Variants in PDE2A observed in about 807,000 individuals in gnomAD.
PDE2A encodes phosphodiesterase 2A, also known as cGMP-dependent 3',5'-cyclic phosphodiesterase.
A neutral mutation model predicts 133.6 loss-of-function variants in PDE2A; 53 were observed. The observed-to-expected ratio is 0.40, with a 90% CI of 0.32 to 0.50. The LOEUF (loss-of-function observed/expected upper bound fraction) is 0.50. Ranked by LOEUF, PDE2A falls within the 20% of genes least tolerant of loss-of-function variation. The pLI, the probability that PDE2A is intolerant of heterozygous loss-of-function variation, is 0.73. For synonymous variants in PDE2A, 491 were observed against 490.2 expected, an observed-to-expected ratio of 1.00 and a Z score of -0.02; for missense variants, 796 against 1,232.4, an observed-to-expected ratio of 0.65 and a Z score of 5.30.
At chr11:72,646,016 T>C (rs1393224805) in intron 1 of PDE2A, among the ~76,000 whole-genome samples, 2 of 152,212 alleles carry the variant, frequency 1.3e-5, no homozygotes, top group Admixed American at 1.3e-4. Context: ...GAAATCAGAT[T>C]TCCCAGCTCC....
intron 1 of PDE2A, among the ~76,000 whole-genome samples, chr11:72,662,552 T>C (rs148616259): frequency 3.2e-4 from 49 of 152,192 alleles, no homozygotes; most frequent in African/African-American, 1.1e-3. Context: ...AGGGGGTGGC[T>C]TATGGGTGCC....
chr11:72,626,608 G>A (rs1032815665), intron 2 of PDE2A, among the ~76,000 whole-genome samples: 4 of 152,138 alleles, frequency 2.6e-5, no homozygotes, highest in South Asian at 2.1e-4. Context: ...AGCTATGCTC[G>A]TATACTCGGA....
chr11:72,606,070 C>T (rs115033325), intron 3 of PDE2A, among the ~76,000 whole-genome samples: 1,728 of 152,052 alleles, frequency 0.011, 35 homozygotes, highest in African/African-American at 0.04. Context: ...AAAGCTCTTG[C>T]TCTTTAATCC....
intron 14 of PDE2A, 91 bp from the exon 15 acceptor site, chr11:72,585,684 C>T (rs1223870577): frequency 4.6e-6 from 5 of 1,096,244 alleles, no homozygotes; most frequent in Non-Finnish European, 6.8e-6. Flanking sequence ...CGGGTCTTCT[C>T]CTTCCTTCCC....
At chr11:72,604,559 T>G (rs915850959) in intron 4 of PDE2A, among the ~76,000 whole-genome samples, 7 of 152,210 alleles carry the variant, frequency 4.6e-5, no homozygotes, top group African/African-American at 1.2e-4. Flanking sequence ...CCCACAATCC[T>G]ATAAGCACCA....
rs1044092948 is a variant in PDE2A, at chr11:72,576,196, T to C, written c.*1188A>G. 5 of 152,440 alleles carry C rather than the reference T, an allele frequency of 3.3e-5. No individual in the cohort carries two copies. Among genetic ancestry groups the C allele is most frequent in the African/African-American group, 9.6e-5 (4 of 41,516 alleles). The allele number at this position is 152,440 out of a possible 1,614,324, so 9.4% of individuals were successfully genotyped here. A position where few individuals can be genotyped will look rare whatever the true frequency, so the allele number is the denominator to read the frequency against. On this transcript the variant is annotated 3_prime_UTR_variant, in exon 31 of 31. Coordinates refer to ENST00000334456, the MANE Select transcript of PDE2A (RefSeq NM_002599.5). ...ACAAAGCGGTCAGCCCACGGGACCA[T>C]ATACGACAGTTGCACAGAGTCCTAG...
intron 2 of PDE2A, among the ~76,000 whole-genome samples, chr11:72,617,358 G>T (rs1260982638): frequency 2.0e-5 from 3 of 152,198 alleles, no homozygotes; most frequent in African/African-American, 4.8e-5. Flanking sequence ...GGTCTTCTTA[G>T]GGACAAGATA....
intron 4 of PDE2A, among the ~76,000 whole-genome samples, chr11:72,603,099 G>A (rs1245338602): frequency 6.6e-6 from 1 of 152,182 alleles, no homozygotes; most frequent in Non-Finnish European, 1.5e-5. Flanking sequence ...ATTCCTGTTT[G>A]GGGATGATGA....
At chr11:72,596,903 G>A (rs1020616270) in intron 5 of PDE2A, among the ~76,000 whole-genome samples, 1 of 152,182 alleles carries the variant, frequency 6.6e-6, no homozygotes, top group Non-Finnish European at 1.5e-5. Flanking sequence ...GTTGCAGGGA[G>A]GAAGGCAGGT....
At chr11:72,670,116 C>T (rs1855351596) in intron 1 of PDE2A, among the ~76,000 whole-genome samples, 1 of 152,004 alleles carries the variant, frequency 6.6e-6, no homozygotes, top group Non-Finnish European at 1.5e-5. Flanking sequence ...TCCTGCTTGC[C>T]CTTACCTTGA....
chr11:72,642,257 C>A lies in PDE2A; in HGVS notation c.141G>T (p.Leu47=). 1.3e-6 allele frequency: 2 copies of A among 1,533,468 alleles called. No homozygotes were observed. The highest frequency in any genetic ancestry group is 1.2e-5 in the South Asian group (1 of 80,466). 95.0% of individuals were successfully genotyped at this position (1,533,468 alleles called of 1,614,324 possible). ...CCCAGCGCGGGGGCCCCCCTACCTGCAGGCTGTCGGCGCATGGCTGCGGCG... is the reference window on the plus strand; with the variant it reads ...CCCAGCGCGGGGGCCCCCCTACCTGAAGGCTGTCGGCGCATGGCTGCGGCG... The part of the protein sequence containing the change: ...PPPPQPCADS[L]QDALLSLGSV... The change falls in exon 2 of 31, where the codon CTG becomes CTT. Residue 47 remains leucine, a synonymous_variant. Coordinates refer to ENST00000334456, the MANE Select transcript of PDE2A (RefSeq NM_002599.5).
intron 18 of PDE2A, 47 bp from the exon 19 acceptor site, chr11:72,584,360 G>A (rs369589027): frequency 3.7e-6 from 5 of 1,362,410 alleles, no homozygotes; most frequent in Non-Finnish European, 5.2e-6. Context: ...GGGAGGGATC[G>A]GTTGGAGGGA....
intron 2 of PDE2A, among the ~76,000 whole-genome samples, chr11:72,626,616 G>A (rs908781015): frequency 1.3e-5 from 2 of 152,076 alleles, no homozygotes; most frequent in African/African-American, 4.8e-5. Flanking sequence ...TCGTATACTC[G>A]GAGCCTTCTC....
At chr11:72,632,924 GC>G (rs1446906902) in intron 2 of PDE2A, among the ~76,000 whole-genome samples, 1 of 152,146 alleles carries the variant, frequency 6.6e-6, no homozygotes, top group Non-Finnish European at 1.5e-5. Context: ...TGGGGAAAGT[GC>G]CTAGGATGAG....
At chr11:72,617,724 G>C (rs939284828) in intron 2 of PDE2A, among the ~76,000 whole-genome samples, 1 of 152,172 alleles carries the variant, frequency 6.6e-6, no homozygotes, top group East Asian at 1.9e-4. Context: ...ACAGGCGGAG[G>C]CTGGAGAGGC....
intron 16 of PDE2A, 127 bp from the exon 17 acceptor site, chr11:72,585,071 T>TCAGGG: frequency 1.1e-6 from 1 of 895,228 alleles, no homozygotes; most frequent in Non-Finnish European, 1.8e-6. Flanking sequence ...GACACTCTGC[T>TCAGGG]CAGGGCTGGC....
chr11:72,591,253 T>A, intron 7 of PDE2A, 44 bp downstream of exon 7: 2 of 1,518,196 alleles, frequency 1.3e-6, no homozygotes, highest in Admixed American at 3.3e-5. Flanking sequence ...CCAGCTGTGA[T>A]AAGGGTCTTC....
chr11:72,642,735 T>A (rs1177247507), intron 1 of PDE2A, among the ~76,000 whole-genome samples: 2 of 150,540 alleles, frequency 1.3e-5, no homozygotes, highest in Admixed American at 6.6e-5. Context: ...CCCTGTCTGA[T>A]CGCACCCTGT....
At chr11:72,657,397 C>T (rs1255964484) in intron 1 of PDE2A, among the ~76,000 whole-genome samples, 1 of 152,122 alleles carries the variant, frequency 6.6e-6, no homozygotes, top group Non-Finnish European at 1.5e-5. Context: ...AACAACTGTC[C>T]CCAAGGTCCC....
Sources: gnomAD v4.1 joint callset for allele counts (sites outside exome capture counted in the v4.1 genomes callset) on GRCh38, gnomAD v4.1.1 for gene constraint, MANE v1.5 for transcripts, NCBI Gene and HGNC (gene_info 2026-07-23, HGNC 2026-07-21) for gene names.